ABAT: variants seen among roughly 807,000 people sequenced by gnomAD.
The protein encoded by ABAT is 4-aminobutyrate aminotransferase, mitochondrial.
Under a neutral mutation model 64.6 loss-of-function variants are expected in ABAT, and 45 were observed. The observed-to-expected ratio is 0.70, with a 90% CI of 0.55 to 0.89. ABAT has a LOEUF of 0.89. Ranked by LOEUF, ABAT falls within the 40% of genes least tolerant of loss-of-function variation. The pLI is 0.00. For synonymous variants in ABAT, 297 were observed against 250.5 expected (o/e 1.19, Z -1.75); for missense variants, 633 against 658.4 (o/e 0.96, Z 0.42).
intron 1 of ABAT, chr16:8,683,552 A>T (rs1327798541): frequency 7.7e-5 from 2 of 25,812 alleles, no homozygotes; most frequent in Non-Finnish European, 2.1e-4. Context: ...CCCTGTTTCT[A>T]AAAAAAAAAA....
Position 8,782,316 on chromosome 16 carries a change from G to C in ABAT, c.*886G>C, listed in dbSNP as rs1420766069. The C allele has an allele frequency of 1.3e-5, 2 of 152,444 alleles. No individual in the cohort carries two copies. The highest frequency in any genetic ancestry group is 2.4e-5 in the African/African-American group (1 of 41,456). 9.4% of individuals were successfully genotyped at this position (152,444 alleles called of 1,614,324 possible). ...GAAAAGCCCAGGGTCTGGGGCAGCA[G>C]AGCCATCGCATCATGTTTCCCAGGG... On this transcript the variant is annotated 3_prime_UTR_variant, in exon 16 of 16. Coordinates refer to ENST00000268251, the MANE Select transcript of ABAT (RefSeq NM_020686.6).
chr16:8,749,141 G>T (rs1246896658), intron 4 of ABAT, among the ~76,000 whole-genome samples: 1 of 149,898 alleles, frequency 6.7e-6, no homozygotes, highest in Non-Finnish European at 1.5e-5. Context: ...AGGCTAGAGT[G>T]CAGTGGCGCA....
intron 1 of ABAT, among the ~76,000 whole-genome samples, chr16:8,697,339 G>C (rs894250307): frequency 3.9e-5 from 6 of 152,178 alleles, no homozygotes; most frequent in African/African-American, 1.4e-4. Context: ...GGAGTGACAT[G>C]ATGTGTTTCA....
intron 1 of ABAT, among the ~76,000 whole-genome samples, chr16:8,734,518 T>G (rs1468538464): frequency 1.3e-5 from 2 of 152,202 alleles, no homozygotes; most frequent in Non-Finnish European, 2.9e-5. Context: ...ACTTAACCTC[T>G]CTGTGCCTCA....
intron 6 of ABAT, among the ~76,000 whole-genome samples, chr16:8,758,743 C>A (rs2059712871): frequency 6.6e-6 from 1 of 152,094 alleles, no homozygotes; most frequent in Non-Finnish European, 1.5e-5. Flanking sequence ...ACGTGAGAAC[C>A]CCTGCAATAC....
intron 2 of ABAT, 86 bp downstream of exon 2, chr16:8,735,895 G>A (rs1285886472): frequency 3.3e-6 from 4 of 1,199,560 alleles, no homozygotes; most frequent in African/African-American, 3.0e-5. Flanking sequence ...GAGCCCTTGG[G>A]GATAAAGGGA....
At chr16:8,700,104 A>G (rs2057786904) in intron 1 of ABAT, among the ~76,000 whole-genome samples, 1 of 152,154 alleles carries the variant, frequency 6.6e-6, no homozygotes, top group Non-Finnish European at 1.5e-5. Context: ...TACAGGTGTG[A>G]GCCACCATGC....
rs1391044849 is a variant in ABAT at position 8,732,379 on chromosome 16, T to C, written c.-41-3320T>C. 4.6e-5 allele frequency among the ~76,000 whole-genome samples: 7 copies of C among 150,998 alleles called. No individual in the cohort carries two copies. In the South Asian group the frequency reaches 1.2e-3, roughly 27 times the overall value. On this transcript the variant is annotated intron_variant, in intron 1 of 15. Transcript: ENST00000268251. ...CAGAGGACCCTGCGGCCTTCCGCAG[T>C]GTTTGTGTCCCTGGGTACTTGAGAT...
At chr16:8,730,279 G>A (rs1364468448) in intron 1 of ABAT, among the ~76,000 whole-genome samples, 1 of 152,148 alleles carries the variant, frequency 6.6e-6, no homozygotes, top group Non-Finnish European at 1.5e-5. Context: ...TACCATGAAT[G>A]TTCGTAGCAC....
intron 1 of ABAT, chr16:8,720,840 G>T (rs561176159): frequency 5.9e-5 from 9 of 152,398 alleles, no homozygotes; most frequent in Non-Finnish European, 1.3e-4. Context: ...GAGAGGCAGG[G>T]TCTTTTCTAG....
chr16:8,770,808 G>A (rs924720264), intron 11 of ABAT, among the ~76,000 whole-genome samples: 6 of 152,080 alleles, frequency 3.9e-5, no homozygotes, highest in Non-Finnish European at 7.4e-5. Flanking sequence ...TTATTGAACC[G>A]AATATATTCA....
chr16:8,712,408 A>G (rs1266872436), intron 1 of ABAT, among the ~76,000 whole-genome samples: 1 of 152,214 alleles, frequency 6.6e-6, no homozygotes, highest in African/African-American at 2.4e-5. Context: ...GGTAGAGGCT[A>G]GTAGTGGGTA....
chr16:8,767,749 C>A (rs956118022), intron 9 of ABAT, among the ~76,000 whole-genome samples: 1 of 152,142 alleles, frequency 6.6e-6, no homozygotes, highest in Non-Finnish European at 1.5e-5. Context: ...GAACTCGGCT[C>A]ACTGCAACCT....
intron 5 of ABAT, chr16:8,757,208 C>T (rs2059672764): frequency 2.2e-6 from 1 of 451,160 alleles, no homozygotes; most frequent in African/African-American, 2.0e-5. Context: ...CTCACTGTCA[C>T]CCAGGCTGGA....
chr16:8,764,842 G>GGC lies in ABAT; in HGVS notation c.540+13_540+14dup, dbSNP rs765389727. The GGC allele has an allele frequency of 1.3e-6, 2 of 1,586,638 alleles. No homozygotes were observed. Among genetic ancestry groups the GGC allele is most frequent in the Middle Eastern group, 1.7e-4 (1 of 6,026 alleles). On this transcript the variant is annotated intron_variant, in intron 8 of 15. Transcript: ENST00000268251. This position sits in a 1 kb window ranked among gnomAD's most constrained non-coding sequence, Gnocchi z 4.2. ...TCATGTGGTACCGGGTGAGGTTTGG[G>GGC]GCACACACACACACACACACACAGG...
chr16:8,733,732 A>C (rs932883680), intron 1 of ABAT, among the ~76,000 whole-genome samples: 1 of 151,696 alleles, frequency 6.6e-6, no homozygotes, highest in Non-Finnish European at 1.5e-5. Context: ...GAGGCAGGAG[A>C]ATCAGGCAGG....
chr16:8,742,493 C>T (rs1037668552), intron 2 of ABAT, among the ~76,000 whole-genome samples: 2 of 152,102 alleles, frequency 1.3e-5, no homozygotes, highest in South Asian at 2.1e-4. Flanking sequence ...TCAAAATATG[C>T]GTCCCTGAAG....
intron 1 of ABAT, among the ~76,000 whole-genome samples, chr16:8,710,694 CAGAGAGAGAGAGAG>C (rs558327984): frequency 8.2e-5 from 10 of 122,032 alleles, no homozygotes; most frequent in Admixed American, 5.5e-4. Flanking sequence ...GAGAGAGAGA[CAGAGAGAGAGAGAG>C]AGAGAGAGAG....
chr16:8,761,605 T>C (rs1172037556), intron 6 of ABAT, among the ~76,000 whole-genome samples: 1 of 152,222 alleles, frequency 6.6e-6, no homozygotes, highest in African/African-American at 2.4e-5. Context: ...GTTTGAGGCC[T>C]GATGAAAAGA....
Sources: allele counts gnomAD v4.1 joint callset (sites outside exome capture counted in the v4.1 genomes callset), GRCh38; gene constraint gnomAD v4.1.1; non-coding constraint Gnocchi (gnomAD v3.1); transcripts MANE v1.5; gene names NCBI Gene and HGNC (gene_info 2026-07-23, HGNC 2026-07-21).